Variants in GPC6 observed in about 807,000 individuals in gnomAD.
GPC6 encodes glypican-6.
A neutral mutation model predicts 55.2 loss-of-function variants in GPC6; 14 were observed. That is an observed-to-expected ratio of 0.25 (90% CI 0.17 to 0.40). The LOEUF is 0.40. Among genes scored for constraint, GPC6 ranks in the 10% least tolerant of loss-of-function variants. The probability of loss-of-function intolerance (pLI) is 1.00; values close to 1 mark genes in which losing one functional copy is unlikely to be tolerated. For synonymous variants in GPC6, 278 were observed against 259.6 expected (o/e 1.07, Z -0.68); for missense variants, 641 against 708.5 (o/e 0.90, Z 1.08).
intron 2 of GPC6, among the ~76,000 whole-genome samples, chr13:93,773,624 G>T (rs1239879719): frequency 2.6e-5 from 4 of 152,090 alleles, no homozygotes. Flanking sequence ...CAGTACTTGA[G>T]CCCATGGTTT....
At position 93,227,685 on chromosome 13, in the gene GPC6, C is replaced by T. The variant is rs992118847; in HGVS notation, c.160+69C>T. The T allele has an allele frequency of 5.6e-5, 70 of 1,257,574 alleles. No homozygotes were observed. Among genetic ancestry groups the T allele is most frequent in the Non-Finnish European group, 7.1e-5 (64 of 900,306 alleles). The allele number at this position is 1,257,574 out of a possible 1,614,324, so 77.9% of individuals were successfully genotyped here. A position where few individuals can be genotyped will look rare whatever the true frequency, so the allele number is the denominator to read the frequency against. ...GCCGCACGTCCCACTGGCCGCCCGG[C>T]GTCCCCTTCCTTCCCCCTGTTGCTG... On this transcript the variant is annotated intron_variant, in intron 1 of 8. Transcript: ENST00000377047. This position sits in a 1 kb window ranked among gnomAD's most constrained non-coding sequence, Gnocchi z 4.3.
At chr13:94,282,753 T>C (rs1346389603) in intron 4 of GPC6, among the ~76,000 whole-genome samples, 2 of 152,178 alleles carry the variant, frequency 1.3e-5, no homozygotes, top group Non-Finnish European at 2.9e-5. Context: ...ACATGCCCTC[T>C]CCAACACTGT....
At chr13:93,706,701 C>A (rs1882859041) in intron 2 of GPC6, among the ~76,000 whole-genome samples, 1 of 151,790 alleles carries the variant, frequency 6.6e-6, no homozygotes, top group Non-Finnish European at 1.5e-5. Context: ...AGTTGGGGTC[C>A]AGTCATTCAT....
At chr13:94,374,959 C>T (rs1284240269) in intron 6 of GPC6, among the ~76,000 whole-genome samples, 1 of 143,188 alleles carries the variant, frequency 7.0e-6, no homozygotes. Flanking sequence ...TCCTGAATGA[C>T]TACTGGGTAC....
At chr13:93,961,517 A>G (rs1485782255) in intron 3 of GPC6, among the ~76,000 whole-genome samples, 2 of 152,248 alleles carry the variant, frequency 1.3e-5, no homozygotes, top group Non-Finnish European at 2.9e-5. Flanking sequence ...CAAAAGAAAA[A>G]AGATTCATTA....
chr13:94,348,246 A>G (rs1287860650), intron 6 of GPC6, among the ~76,000 whole-genome samples: 1 of 152,248 alleles, frequency 6.6e-6, no homozygotes, highest in Non-Finnish European at 1.5e-5. Context: ...GTAATGTCAC[A>G]GTATATGGCA....
At chr13:93,571,445 A>G (rs1876399819) in intron 2 of GPC6, among the ~76,000 whole-genome samples, 1 of 152,148 alleles carries the variant, frequency 6.6e-6, no homozygotes, top group South Asian at 2.1e-4. Context: ...TATACCAGAA[A>G]ATCATTATCA....
chr13:93,695,708 T>A (rs555792259), intron 2 of GPC6, among the ~76,000 whole-genome samples: 2 of 152,252 alleles, frequency 1.3e-5, no homozygotes, highest in African/African-American at 4.8e-5. Context: ...AAAATATGCT[T>A]TCATTCATTT....
intron 1 of GPC6, among the ~76,000 whole-genome samples, chr13:93,290,577 A>G (rs1348414106): frequency 6.6e-6 from 1 of 152,176 alleles, no homozygotes; most frequent in Non-Finnish European, 1.5e-5. Context: ...AAAGCAACAT[A>G]GATTAGAGGA....
At chr13:93,960,296 C>G (rs1400189276) in intron 3 of GPC6, among the ~76,000 whole-genome samples, 1 of 152,184 alleles carries the variant, frequency 6.6e-6, no homozygotes, top group Non-Finnish European at 1.5e-5. Flanking sequence ...AGCAAGTCTT[C>G]CAGGATAGGT....
intron 4 of GPC6, chr13:94,188,058 C>T (rs1230640231): frequency 6.6e-6 from 1 of 152,218 alleles, no homozygotes; most frequent in Non-Finnish European, 1.5e-5. Flanking sequence ...CAAATTAATT[C>T]TCCACCCTCC....
intron 1 of GPC6, among the ~76,000 whole-genome samples, chr13:93,437,773 A>G (rs1359352452): frequency 6.6e-6 from 1 of 152,160 alleles, no homozygotes; most frequent in Non-Finnish European, 1.5e-5. Flanking sequence ...AACTAAGATA[A>G]CTGATGAAGA....
At chr13:93,282,643 A>C (rs1277831401) in intron 1 of GPC6, among the ~76,000 whole-genome samples, 2 of 152,258 alleles carry the variant, frequency 1.3e-5, no homozygotes, top group East Asian at 3.8e-4. Flanking sequence ...TTTTAAAGTT[A>C]TGCATAAACA....
chr13:93,223,651 C>A (rs912796518), upstream of GPC6, among the ~76,000 whole-genome samples: 1 of 152,084 alleles, frequency 6.6e-6, no homozygotes, highest in Non-Finnish European at 1.5e-5. Flanking sequence ...GCCATGTTGG[C>A]TAGCCTGGTC....
chr13:93,777,341 C>G (rs1885503062), intron 2 of GPC6, among the ~76,000 whole-genome samples: 2 of 152,172 alleles, frequency 1.3e-5, no homozygotes, highest in Non-Finnish European at 2.9e-5. Flanking sequence ...GCAACATTAA[C>G]TAAACCCAGC....
intron 4 of GPC6, among the ~76,000 whole-genome samples, chr13:94,117,974 T>C (rs1886491469): frequency 6.6e-6 from 1 of 152,146 alleles, no homozygotes; most frequent in Non-Finnish European, 1.5e-5. Flanking sequence ...ATGTTTGAGA[T>C]ATGTTTCTGC....
At chr13:93,910,615 A>C (rs1289077100) in intron 3 of GPC6, among the ~76,000 whole-genome samples, 2 of 152,048 alleles carry the variant, frequency 1.3e-5, no homozygotes, top group African/African-American at 4.8e-5. Flanking sequence ...GATTGGCCTC[A>C]TTGGCTAATT....
chr13:93,229,651 C>T (rs1044236752), intron 1 of GPC6, among the ~76,000 whole-genome samples: 10 of 151,630 alleles, frequency 6.6e-5, no homozygotes, highest in Non-Finnish European at 1.5e-5. Flanking sequence ...TTTTTGGTTT[C>T]CTCCCCACCT....
chr13:93,847,513 C>A (rs956933318), intron 3 of GPC6, among the ~76,000 whole-genome samples: 4 of 152,020 alleles, frequency 2.6e-5, no homozygotes, highest in Non-Finnish European at 5.9e-5. Flanking sequence ...AGCCATGAAG[C>A]ATTGGTTCTA....
Sources: gnomAD v4.1 joint callset for allele counts (sites outside exome capture counted in the v4.1 genomes callset) on GRCh38, gnomAD v4.1.1 for gene constraint, Gnocchi (gnomAD v3.1) non-coding constraint, MANE v1.5 for transcripts, NCBI Gene and HGNC (gene_info 2026-07-23, HGNC 2026-07-21) for gene names.